Variants in TMEM71 observed in about 807,000 individuals in gnomAD.
TMEM71 encodes the protein transmembrane protein 71.
In TMEM71, 44 loss-of-function variants were observed where a neutral mutation model predicts 38.0. The ratio of observed to expected loss-of-function variants is 1.16; its 90% CI spans 0.91 to 1.49. TMEM71 has a LOEUF of 1.49. Ranked by LOEUF, TMEM71 falls within the 40% of genes most tolerant of loss-of-function variation. TMEM71 has a pLI of 0.00. For missense variants in TMEM71, 367 were observed against 348.6 expected, an observed-to-expected ratio of 1.05 and a Z score of -0.42; for synonymous variants, 133 against 122.5, an observed-to-expected ratio of 1.09 and a Z score of -0.56.
the TMEM71 span, among the ~76,000 whole-genome samples, chr8:132,769,548 T>C: frequency 6.6e-6 from 1 of 152,176 alleles, no homozygotes; most frequent in African/African-American, 2.4e-5. Flanking sequence ...TAATCCCCAA[T>C]GCAATGGTAC....
chr8:132,714,002 A>G lies in TMEM71; in HGVS notation c.865T>C (p.Cys289Arg). 6.2e-7 allele frequency: 1 copy of G among 1,613,858 alleles called. No homozygotes were observed. The highest frequency in any genetic ancestry group is 1.7e-5 in the Admixed American group (1 of 60,018). Residue 289 changes from cysteine (C) to arginine (R), a missense_variant, in exon 9 of 10, where the codon TGT becomes CGT. Physicochemically the swap from Cys to Arg is radical, Grantham distance 180. Coordinates refer to ENST00000677595, the MANE Select transcript of TMEM71 (RefSeq NM_001382403.1). ...SLASYFKTTA[C>R]ARFVKI ...GACACAGGCAACACTTACCGAGCACAGGCAGTGGTTTTGAAATAGCTGGCA... is the reference window on the plus strand; with the variant it reads ...GACACAGGCAACACTTACCGAGCACGGGCAGTGGTTTTGAAATAGCTGGCA...
chr8:132,728,131 G>A (rs1827258038), intron 5 of TMEM71, 145 bp from the exon 6 acceptor site: 1 of 565,272 alleles, frequency 1.8e-6, no homozygotes, highest in African/African-American at 1.9e-5. Context: ...ACCATAGTGG[G>A]ATGGGAGAAG....
At chr8:132,724,316 T>A (rs1456362515) in intron 6 of TMEM71, among the ~76,000 whole-genome samples, 5 of 152,104 alleles carry the variant, frequency 3.3e-5, no homozygotes, top group Non-Finnish European at 7.3e-5. Flanking sequence ...TCAGTCCTTA[T>A]CTCAACGGCA....
the TMEM71 span, among the ~76,000 whole-genome samples, chr8:132,774,899 A>G: frequency 6.6e-6 from 1 of 152,232 alleles, no homozygotes; most frequent in Non-Finnish European, 1.5e-5. Flanking sequence ...TACAATTGTA[A>G]TACAGTTGTA....
intron 4 of TMEM71, among the ~76,000 whole-genome samples, chr8:132,750,183 A>G (rs1282729728): frequency 1.3e-5 from 2 of 152,204 alleles, no homozygotes; most frequent in Non-Finnish European, 2.9e-5. Context: ...GAGACTCACA[A>G]CGGAGGATAA....
chr8:132,734,486 A>T (rs1827636550), intron 5 of TMEM71, among the ~76,000 whole-genome samples: 1 of 152,226 alleles, frequency 6.6e-6, no homozygotes, highest in African/African-American at 2.4e-5. Context: ...CTGTAACAAC[A>T]GTAAAAAGAT....
At chr8:132,736,180 G>A (rs1827734235) in intron 5 of TMEM71, among the ~76,000 whole-genome samples, 4 of 152,182 alleles carry the variant, frequency 2.6e-5, no homozygotes, top group African/African-American at 7.2e-5. Flanking sequence ...GTGATTCAAC[G>A]TTCACTGTTG....
the TMEM71 span, among the ~76,000 whole-genome samples, chr8:132,772,043 T>C: frequency 1.3e-5 from 2 of 152,016 alleles, no homozygotes; most frequent in Admixed American, 6.6e-5. Context: ...AAACTAACCT[T>C]AAAAAAAACT....
At chr8:132,706,519 T>TTTA (rs1342133986), downstream of TMEM71, among the ~76,000 whole-genome samples, 93 of 152,306 alleles carry the variant, frequency 6.1e-4, no homozygotes, top group African/African-American at 2.2e-3. Context: ...TTTAGCATCT[T>TTTA]GATGAGGTAC....
intron 7 of TMEM71, among the ~76,000 whole-genome samples, chr8:132,718,587 C>T (rs112360069): frequency 0.012 from 1,824 of 152,094 alleles, 33 homozygotes; most frequent in African/African-American, 0.042. Flanking sequence ...TTAGTAGAAA[C>T]GGGGTTTCAC....
chr8:132,751,536 C>T (rs575308751), intron 4 of TMEM71, among the ~76,000 whole-genome samples: 1 of 152,264 alleles, frequency 6.6e-6, no homozygotes, highest in South Asian at 2.1e-4. Context: ...TCCCTCTTAC[C>T]CTTTGTATTT....
downstream of TMEM71, among the ~76,000 whole-genome samples, chr8:132,707,795 A>G (rs1362897717): frequency 1.4e-4 from 21 of 152,206 alleles, no homozygotes; most frequent in Non-Finnish European, 5.9e-5. Flanking sequence ...TAATTTTTAC[A>G]CTATTTTCTG....
chr8:132,758,068 A>G (rs562220286), intron 2 of TMEM71: 1 of 152,340 alleles, frequency 6.6e-6, no homozygotes, highest in East Asian at 1.9e-4. Context: ...ATAATGAGCA[A>G]AAGACATTAG....
chr8:132,746,386 T>C (rs1161048696), intron 5 of TMEM71, among the ~76,000 whole-genome samples: 30 of 19,432 alleles, frequency 1.5e-3, no homozygotes, highest in South Asian at 3.0e-3. Flanking sequence ...CATATATATA[T>C]ACATATATAT....
intron 6 of TMEM71, among the ~76,000 whole-genome samples, chr8:132,726,941 C>T (rs1294777207): frequency 1.3e-5 from 2 of 151,468 alleles, no homozygotes. Context: ...CTGCAACCTC[C>T]ACCTCCCAGG....
intron 7 of TMEM71, among the ~76,000 whole-genome samples, chr8:132,719,910 A>G (rs1310694823): frequency 6.6e-6 from 1 of 152,018 alleles, no homozygotes; most frequent in Non-Finnish European, 1.5e-5. Flanking sequence ...CCAGGTCACC[A>G]CATATGTTTA....
At chr8:132,747,260 C>T in intron 4 of TMEM71, 146 bp from the exon 5 acceptor site, 1 of 726,202 alleles carries the variant, frequency 1.4e-6, no homozygotes, top group Non-Finnish European at 2.1e-6. Context: ...CTACTGTGTG[C>T]CAGGTCCTTG....
chr8:132,714,697 G>A (rs1321831132), intron 7 of TMEM71, among the ~76,000 whole-genome samples: 1 of 152,150 alleles, frequency 6.6e-6, no homozygotes, highest in African/African-American at 2.4e-5. Flanking sequence ...CATGAAAGAA[G>A]AGAAAGGAAT....
chr8:132,728,575 T>G (rs1827281891), intron 5 of TMEM71, among the ~76,000 whole-genome samples: 1 of 152,210 alleles, frequency 6.6e-6, no homozygotes, highest in African/African-American at 2.4e-5. Context: ...TACTTGAAGG[T>G]TGAAGAGAAA....
Sources: gnomAD v4.1 joint callset for allele counts (sites outside exome capture counted in the v4.1 genomes callset) on GRCh38, gnomAD v4.1.1 for gene constraint, MANE v1.5 for transcripts, NCBI Gene and HGNC (gene_info 2026-07-23, HGNC 2026-07-21) for gene names.